The following GRM8 variants were observed in gnomAD, a reference collection of about 807,000 sequenced individuals.
GRM8 encodes the protein metabotropic glutamate receptor 8.
A neutral mutation model predicts 87.2 loss-of-function variants in GRM8; 47 were observed. That is an observed-to-expected ratio of 0.54 (90% CI 0.43 to 0.69). The LOEUF (loss-of-function observed/expected upper bound fraction) is 0.69, where lower values mean the gene tolerates loss of function less well. Ranked by LOEUF, GRM8 falls within the 30% of genes least tolerant of loss-of-function variation. The pLI is 0.00. For missense variants in GRM8, 1,019 were observed against 1,139.2 expected (o/e 0.89, Z 1.52); for synonymous variants, 396 against 404.5 (o/e 0.98, Z 0.25).
At chr7:126,973,564 A>T (rs536673601) in intron 3 of GRM8, among the ~76,000 whole-genome samples, 1 of 152,314 alleles carries the variant, frequency 6.6e-6, no homozygotes, top group South Asian at 2.1e-4. Context: ...TGTTAATTTT[A>T]AAAATATGCC....
intron 6 of GRM8, among the ~76,000 whole-genome samples, chr7:126,851,274 C>T (rs1488427865): frequency 6.6e-6 from 1 of 152,144 alleles, no homozygotes; most frequent in African/African-American, 2.4e-5. Flanking sequence ...AGGGCTATCC[C>T]TCTGTTCCAA....
At chr7:126,640,302 C>T (rs1802245343) in intron 7 of GRM8, among the ~76,000 whole-genome samples, 1 of 152,014 alleles carries the variant, frequency 6.6e-6, no homozygotes, top group Non-Finnish European at 1.5e-5. Context: ...TCATTGGATA[C>T]CATATGCCAC....
Position 126,783,905 on chromosome 7 carries a change from A to G in GRM8, c.1157-13840T>C, listed in dbSNP as rs565866983. Among the ~76,000 whole-genome samples, 127 of 152,314 alleles carry G rather than the reference A, an allele frequency of 8.3e-4. 3 individuals carry two copies. The South Asian group carries it at 0.019, about 22-fold the overall frequency. On this transcript the variant is annotated intron_variant, in intron 6 of 10. Transcript: ENST00000339582. ...TATTTCAACACTTCCTATACAATCA[A>G]TAAAACATCAGTGTTCATTAGGCAG... is the stretch of plus-strand genomic sequence containing the variant.
In GRM8 at chr7:126,533,407, T is replaced by A; in HGVS notation, c.1975A>T (p.Met659Leu). 6.2e-7 allele frequency: 1 copy of A among 1,613,998 alleles called. No individual in the cohort carries two copies. Among genetic ancestry groups the A allele is most frequent in the Non-Finnish European group, 8.5e-7 (1 of 1,179,982 alleles). The change falls in exon 9 of 11, where the codon ATG (methionine) becomes TTG (leucine). Residue 659 changes from methionine to leucine, a missense_variant. By Grantham distance (15) the Met-to-Leu change is conservative. Coordinates refer to ENST00000339582, the MANE Select transcript of GRM8 (RefSeq NM_000845.3). ...SFRRVFLGLG[M>L]CFSYAALLTK... The stretch of plus-strand genomic sequence containing the variant: ...AGAAGGGCTGCATAGCTGAAACACA[T>A]GCCAAGTCCTAGGAAGACCCGTCGG...
chr7:127,096,120 C>A (rs1586988723), intron 3 of GRM8, among the ~76,000 whole-genome samples: 1 of 152,190 alleles, frequency 6.6e-6, no homozygotes, highest in South Asian at 2.1e-4. Context: ...AGGTATAGAG[C>A]AAGTTTCAGG....
chr7:126,809,780 C>T (rs528675585), intron 6 of GRM8, among the ~76,000 whole-genome samples: 1 of 152,202 alleles, frequency 6.6e-6, no homozygotes, highest in African/African-American at 2.4e-5. Flanking sequence ...ATACCTTCAC[C>T]TGGGGAGTGC....
intron 9 of GRM8, among the ~76,000 whole-genome samples, chr7:126,449,841 C>T (rs1486675595): frequency 1.3e-5 from 2 of 151,760 alleles, no homozygotes; most frequent in East Asian, 2.0e-4. Flanking sequence ...CCTTCTCTTA[C>T]GTGCTCCCTC....
intron 3 of GRM8, among the ~76,000 whole-genome samples, chr7:126,977,676 A>G (rs1011089696): frequency 6.6e-6 from 1 of 152,226 alleles, no homozygotes; most frequent in Non-Finnish European, 1.5e-5. Flanking sequence ...TTCAACAGCT[A>G]TATTCAAACG....
intron 7 of GRM8, among the ~76,000 whole-genome samples, chr7:126,714,323 TAAA>T (rs1290159349): frequency 1.4e-5 from 2 of 141,176 alleles, no homozygotes; most frequent in African/African-American, 5.2e-5. Context: ...ATAATAATAA[TAAA>T]TAGTATCTAC....
chr7:126,438,848 C>A lies in GRM8; in HGVS notation c.*271G>T. On this transcript the variant is annotated 3_prime_UTR_variant, in exon 11 of 11. Transcript: ENST00000339582. ...AACAGCATTTTTTTTCACGAGCTAACATTAGTTTTCCTTTTGTGATTTGTT... is the reference window on the plus strand; with the variant it reads ...AACAGCATTTTTTTTCACGAGCTAAAATTAGTTTTCCTTTTGTGATTTGTT... 6.0e-6 allele frequency: 2 copies of A among 334,386 alleles called. No homozygotes were observed. The highest frequency in any genetic ancestry group is 1.1e-5 in the Non-Finnish European group (2 of 183,004). 20.7% of individuals were successfully genotyped at this position (334,386 alleles called of 1,614,324 possible). A position where few individuals can be genotyped will look rare whatever the true frequency, so the allele number is the denominator to read the frequency against.
chr7:126,759,961 C>T (rs1817422481), intron 7 of GRM8, among the ~76,000 whole-genome samples: 1 of 152,090 alleles, frequency 6.6e-6, no homozygotes, highest in Non-Finnish European at 1.5e-5. Context: ...AAGCTAGATT[C>T]AAACTGAGTA....
intron 3 of GRM8, among the ~76,000 whole-genome samples, chr7:126,914,849 A>C (rs2131317862): frequency 6.6e-6 from 1 of 152,262 alleles, no homozygotes; most frequent in South Asian, 2.1e-4. Context: ...ATCAACAGAA[A>C]CCTGATCCTC....
intron 7 of GRM8, among the ~76,000 whole-genome samples, chr7:126,755,129 T>C (rs1816858552): frequency 6.6e-6 from 1 of 151,710 alleles, no homozygotes. Flanking sequence ...TACATTGCAA[T>C]AAAAATCTCA....
chr7:126,807,099 T>A (rs1223837544), intron 6 of GRM8, among the ~76,000 whole-genome samples: 1 of 152,220 alleles, frequency 6.6e-6, no homozygotes, highest in East Asian at 1.9e-4. Flanking sequence ...TATAGGCAGC[T>A]GACTTGTTGA....
chr7:127,083,836 C>T (rs1386247825), intron 3 of GRM8, among the ~76,000 whole-genome samples: 1 of 152,144 alleles, frequency 6.6e-6, no homozygotes, highest in Non-Finnish European at 1.5e-5. Flanking sequence ...GTACCTTCAT[C>T]CCTGTCCTTC....
intron 7 of GRM8, among the ~76,000 whole-genome samples, chr7:126,740,054 A>G (rs981522149): frequency 6.6e-6 from 1 of 152,074 alleles, no homozygotes; most frequent in Non-Finnish European, 1.5e-5. Context: ...TAAGTGACAC[A>G]TGACTGTATC....
chr7:127,020,494 C>A (rs1027791574), intron 3 of GRM8, among the ~76,000 whole-genome samples: 1 of 152,080 alleles, frequency 6.6e-6, no homozygotes, highest in Non-Finnish European at 1.5e-5. Context: ...GATGAGTTGT[C>A]TTTCTGACTA....
rs1818671765 is a variant in GRM8 at position 126,770,076 on chromosome 7, A to AAAAAGT, written c.1157-17_1157-12dup. 6.3e-7 allele frequency: 1 copy of AAAAAGT among 1,590,022 alleles called. No individual in the cohort carries two copies. The highest frequency in any genetic ancestry group is 8.6e-7 in the Non-Finnish European group (1 of 1,162,182). ...CAATTCGCTCCAGCCCTGCAAAATA[A>AAAAAGT]AAAAGTAAAAACCATCAGTTGATGT... is the stretch of plus-strand genomic sequence containing the variant. On this transcript the variant is annotated splice_polypyrimidine_tract_variant and intron_variant, in intron 6 of 10. Transcript: ENST00000339582.
intron 7 of GRM8, among the ~76,000 whole-genome samples, chr7:126,726,475 G>T (rs1450306772): frequency 6.6e-6 from 1 of 152,044 alleles, no homozygotes; most frequent in African/African-American, 2.4e-5. Flanking sequence ...CCACTGCTTT[G>T]GGATAAAAAG....
Sources: allele counts gnomAD v4.1 joint callset (sites outside exome capture counted in the v4.1 genomes callset), GRCh38; gene constraint gnomAD v4.1.1; transcripts MANE v1.5; gene names NCBI Gene and HGNC (gene_info 2026-07-23, HGNC 2026-07-21).